Variants in WT1 observed in about 807,000 individuals in gnomAD.
WT1 encodes the protein WT1 transcription factor.
Under a neutral mutation model 60.8 loss-of-function variants are expected in WT1, and 8 were observed. That is an observed-to-expected ratio of 0.13 (90% CI 0.08 to 0.24). The LOEUF (loss-of-function observed/expected upper bound fraction) is 0.24, where lower values mean the gene tolerates loss of function less well. WT1 is among the 10% of genes least tolerant of loss of function. The pLI is 1.00. For synonymous variants in WT1, 312 were observed against 297.1 expected (o/e 1.05, Z -0.52); for missense variants, 568 against 711.8 (o/e 0.80, Z 2.30).
chr11:32,430,860 C>G, intron 1 of WT1: 1 of 1,229,588 alleles, frequency 8.1e-7, no homozygotes, highest in Non-Finnish European at 1.0e-6. Context: ...GCTTATCGGA[C>G]ACGGGTTTGA....
At chr11:32,404,465 T>C (rs1173103169) in intron 5 of WT1, among the ~76,000 whole-genome samples, 4 of 151,734 alleles carry the variant, frequency 2.6e-5, no homozygotes, top group South Asian at 4.2e-4. Flanking sequence ...TGGTTCCAAG[T>C]GGGGAAAAGA....
chr11:32,428,150 T>C, intron 2 of WT1, 92 bp from the exon 3 acceptor site: 1 of 1,215,604 alleles, frequency 8.2e-7, no homozygotes, highest in Non-Finnish European at 1.2e-6. Flanking sequence ...CACGAGATCC[T>C]GAGCCTGGGG....
chr11:32,390,914 T>C (rs1851795649), intron 9 of WT1, among the ~76,000 whole-genome samples: 1 of 152,268 alleles, frequency 6.6e-6, no homozygotes, highest in African/African-American at 2.4e-5. Flanking sequence ...TGAATTATTA[T>C]TGCCTCAGTC....
intron 5 of WT1, among the ~76,000 whole-genome samples, chr11:32,408,514 T>TAAAAAAAAAAAAAAAAA (rs58685266): frequency 2.0e-4 from 15 of 74,234 alleles, no homozygotes; most frequent in Non-Finnish European, 2.5e-4. Flanking sequence ...GACTACGTCT[T>TAAAAAAAAAAAAAAAAA]AAAAAAAAAA....
intron 5 of WT1, among the ~76,000 whole-genome samples, chr11:32,414,312 G>A (rs1193248189): frequency 1.3e-5 from 2 of 152,000 alleles, no homozygotes; most frequent in Non-Finnish European, 1.5e-5. Flanking sequence ...TCACTCTATC[G>A]CCCAGGCTGG....
chr11:32,416,716 C>A (rs1852685811), intron 4 of WT1, among the ~76,000 whole-genome samples, 176 bp from the exon 5 acceptor site: 1 of 152,190 alleles, frequency 6.6e-6, no homozygotes, highest in African/African-American at 2.4e-5. Context: ...GTGGAAGGCA[C>A]CACCGGAGGC....
Position 32,435,450 on chromosome 11 carries a change from AG to A in WT1, c.-91del. 9.7e-5 allele frequency: 1 copy of A among 10,332 alleles called. No homozygotes were observed. Among genetic ancestry groups the A allele is most frequent in the South Asian group, 1.3e-3 (1 of 754 alleles). 0.6% of individuals were successfully genotyped at this position (10,332 alleles called of 1,614,324 possible). On this transcript the variant is annotated 5_prime_UTR_variant, in exon 1 of 10. Transcript: ENST00000452863. ...GTGGGTGAATGAGTAGGTGGGAGGG[AG>A]GGCGGGAAGTGGGGGAGCGGACAGG...
At chr11:32,406,486 A>C (rs3858441) in intron 5 of WT1, among the ~76,000 whole-genome samples, 44,130 of 151,928 alleles carry the variant, frequency 0.29, 7,272 homozygotes, top group East Asian at 0.68. Context: ...TGCTGCAAGG[A>C]CCAATTCCTA....
chr11:32,417,429 A>G (rs2133035745), intron 4 of WT1, 148 bp downstream of exon 4: 1 of 720,220 alleles, frequency 1.4e-6, no homozygotes, highest in Non-Finnish European at 2.4e-6. Flanking sequence ...CTCACCAACT[A>G]GGGGAAGGAG....
intron 1 of WT1, chr11:32,430,621 G>A (rs2133086651): frequency 6.4e-7 from 1 of 1,552,650 alleles, no homozygotes; most frequent in Non-Finnish European, 8.7e-7. Flanking sequence ...TGCCCGGCGA[G>A]GGCCGTGGGT....
intron 7 of WT1, among the ~76,000 whole-genome samples, chr11:32,392,998 AG>A (rs1290715894): frequency 4.0e-5 from 6 of 150,806 alleles, no homozygotes; most frequent in African/African-American, 1.2e-4. Flanking sequence ...GCCCTGGGTG[AG>A]GTGTGGTTTC....
At chr11:32,399,260 G>A (rs1852072927) in intron 6 of WT1, among the ~76,000 whole-genome samples, 1 of 151,526 alleles carries the variant, frequency 6.6e-6, no homozygotes, top group Non-Finnish European at 1.5e-5. Context: ...TAAGGGCAGT[G>A]AAACTATTCT....
chr11:32,406,963 G>A (rs1372443510), intron 5 of WT1, among the ~76,000 whole-genome samples: 4 of 152,086 alleles, frequency 2.6e-5, no homozygotes, highest in Non-Finnish European at 4.4e-5. Flanking sequence ...GCCGGGTGGG[G>A]TGGTGGGCGC....
chr11:32,395,900 C>T (rs1799936), intron 7 of WT1, among the ~76,000 whole-genome samples: 4 of 152,112 alleles, frequency 2.6e-5, no homozygotes, highest in Non-Finnish European at 1.5e-5. Flanking sequence ...TCTTGCCCAT[C>T]GACCTCCTAA....
chr11:32,403,617 C>G (rs1305848896), intron 5 of WT1, among the ~76,000 whole-genome samples: 2 of 149,118 alleles, frequency 1.3e-5, no homozygotes, highest in Non-Finnish European at 3.0e-5. Flanking sequence ...CTCTGTCGCC[C>G]AGGCTGGAGT....
In WT1 at chr11:32,429,187, T is replaced by A. The variant is rs5030160; in HGVS notation, c.662-568A>T. 6.8e-3 allele frequency among the ~76,000 whole-genome samples: 1,036 copies of A among 152,290 alleles called. 7 individuals carry two copies. The highest frequency in any genetic ancestry group is 0.023 in the African/African-American group (952 of 41,568). ...TCTGGGGCTACCCGACCTGACACCA[T>A]GACACCCAAGGGAAAGCTGGTGAGG... On this transcript the variant is annotated intron_variant, in intron 1 of 9. Coordinates refer to ENST00000452863, the MANE Select transcript of WT1 (RefSeq NM_024426.6).
chr11:32,408,513 TTAAAAAA>T (rs1564981589), intron 5 of WT1, among the ~76,000 whole-genome samples: 5 of 39,826 alleles, frequency 1.3e-4, no homozygotes, highest in African/African-American at 8.7e-4. Context: ...AGACTACGTC[TTAAAAAA>T]AAAAAAAAAA....
intron 9 of WT1, 53 bp from the exon 10 acceptor site, chr11:32,389,232 G>T: frequency 1.2e-6 from 2 of 1,613,354 alleles, no homozygotes; most frequent in Non-Finnish European, 8.5e-7. Context: ...ACAGGCACAA[G>T]TTCAACTATC....
rs930795675 is a variant in WT1, at chr11:32,399,943, C to T, written c.1113+5G>A. On this transcript the variant is annotated splice_donor_5th_base_variant and intron_variant, in intron 6 of 9. Transcript: ENST00000452863. ...CTTCCCGCTGGGGCCTGTCTGTGTG[C>T]TCACCTGAATGCCTCTGAAGACACC... 3.1e-6 allele frequency: 5 copies of T among 1,614,058 alleles called. No homozygotes were observed. The highest frequency in any genetic ancestry group is 3.4e-6 in the Non-Finnish European group (4 of 1,180,040).
Sources: allele counts gnomAD v4.1 joint callset (sites outside exome capture counted in the v4.1 genomes callset), GRCh38; gene constraint gnomAD v4.1.1; transcripts MANE v1.5; gene names NCBI Gene and HGNC (gene_info 2026-07-23, HGNC 2026-07-21).